The following MAPRE1 variants were observed in gnomAD, a reference collection of about 807,000 sequenced individuals.
The protein encoded by MAPRE1 is microtubule associated protein RP/EB family member 1, also known as microtubule-associated protein RP/EB family member 1.
MAPRE1 carries 5 observed loss-of-function variants against 32.1 expected under a neutral mutation model. That is an observed-to-expected ratio of 0.16 (90% CI 0.08 to 0.33). The LOEUF (loss-of-function observed/expected upper bound fraction) is 0.33. MAPRE1 is among the 10% of genes least tolerant of loss of function. MAPRE1 has a pLI of 1.00. For missense variants in MAPRE1, 209 were observed against 327.2 expected (o/e 0.64, Z 2.79); for synonymous variants, 122 against 118.9 (o/e 1.03, Z -0.17).
chr20:32,842,080 A>ATTTATT (rs1174534817), intron 5 of MAPRE1, among the ~76,000 whole-genome samples: 1 of 151,204 alleles, frequency 6.6e-6, no homozygotes, highest in African/African-American at 2.4e-5. Context: ...TTATTTATTT[A>ATTTATT]TTTATTTTTA....
intron 4 of MAPRE1, 66 bp downstream of exon 4, chr20:32,836,907 A>G: frequency 2.1e-6 from 3 of 1,431,930 alleles, no homozygotes; most frequent in South Asian, 1.3e-5. Context: ...GCGTTCAACT[A>G]GAATTTTTTT....
chr20:32,832,012 G>A (rs1983043533), intron 2 of MAPRE1, among the ~76,000 whole-genome samples: 1 of 150,674 alleles, frequency 6.6e-6, no homozygotes, highest in Admixed American at 6.6e-5. Context: ...AAATAAATCA[G>A]TCACCTCAGA....
intron 5 of MAPRE1, among the ~76,000 whole-genome samples, chr20:32,841,390 C>CT (rs1983356158): frequency 6.6e-6 from 1 of 151,142 alleles, no homozygotes; most frequent in Admixed American, 6.6e-5. Context: ...GTAGCAGCGA[C>CT]TTGATCTGTG....
intron 6 of MAPRE1, among the ~76,000 whole-genome samples, chr20:32,848,312 C>T (rs569483711): frequency 6.6e-6 from 1 of 152,182 alleles, no homozygotes; most frequent in South Asian, 2.1e-4. Context: ...GGATTACAGG[C>T]ATGAGCCATC....
rs1347784947 is a variant in MAPRE1, at chr20:32,850,056, A to G, written c.*1328A>G. ...GGATTCTGCAAAATGTGTCTCACCC[A>G]CTACTGAGATTGTTCAGCCCCTGAT... On this transcript the variant is annotated 3_prime_UTR_variant, in exon 7 of 7. Transcript: ENST00000375571. 1 of 152,626 alleles carries G rather than the reference A, an allele frequency of 6.6e-6. No individual in the cohort carries two copies. The highest frequency in any genetic ancestry group is 1.5e-5 in the Non-Finnish European group (1 of 68,034). 9.5% of individuals were successfully genotyped at this position (152,626 alleles called of 1,614,324 possible).
At chr20:32,845,019 GT>G (rs1376251867) in intron 5 of MAPRE1, among the ~76,000 whole-genome samples, 51 of 151,914 alleles carry the variant, frequency 3.4e-4, no homozygotes, top group Non-Finnish European at 6.5e-4. Context: ...ATGTATGTAT[GT>G]ATGTATGTAT....
At chr20:32,845,943 A>G (rs150801986) in intron 5 of MAPRE1, among the ~76,000 whole-genome samples, 5 of 152,284 alleles carry the variant, frequency 3.3e-5, no homozygotes, top group African/African-American at 1.2e-4. Context: ...CTGTAAATAC[A>G]GGTTTTTGCA....
chr20:32,848,241 A>G (rs940211538), intron 6 of MAPRE1, among the ~76,000 whole-genome samples: 1 of 150,702 alleles, frequency 6.6e-6, no homozygotes, highest in African/African-American at 2.4e-5. Context: ...ACATTGTCTC[A>G]CTGTGTTACC....
chr20:32,845,757 C>T lies in MAPRE1; in HGVS notation c.598-861C>T, dbSNP rs560220332. ...CTCAGCCTCTAGAGTAGCTGAGACG[C>T]GTGCGCCACTCCACCTGACATGCTT... is the stretch of plus-strand genomic sequence containing the variant. On this transcript the variant is annotated intron_variant, in intron 5 of 6. Transcript: ENST00000375571. 3.9e-4 allele frequency among the ~76,000 whole-genome samples: 60 copies of T among 152,252 alleles called. 1 individual carries two copies. Among genetic ancestry groups the T allele is most frequent in the African/African-American group, 1.4e-3 (59 of 41,556 alleles).
chr20:32,831,671 T>C (rs945978126), intron 2 of MAPRE1, among the ~76,000 whole-genome samples: 2 of 151,854 alleles, frequency 1.3e-5, no homozygotes, highest in Admixed American at 6.6e-5. Flanking sequence ...CAGCTGGGAC[T>C]ACAGGCATAC....
chr20:32,824,169 C>T (rs985420404), intron 1 of MAPRE1, among the ~76,000 whole-genome samples: 7 of 152,182 alleles, frequency 4.6e-5, no homozygotes, highest in African/African-American at 1.4e-4. Context: ...ATGTGAACTC[C>T]CTGTGGACAG....
At chr20:32,846,852 C>T (rs1308802370) in intron 6 of MAPRE1, 82 bp downstream of exon 6, 1 of 1,437,470 alleles carries the variant, frequency 7.0e-7, no homozygotes, top group Non-Finnish European at 9.7e-7. Flanking sequence ...TGTTGTATTC[C>T]AGTGTTGCAT....
At chr20:32,838,824 C>A (rs1465756533) in intron 4 of MAPRE1, among the ~76,000 whole-genome samples, 1 of 152,078 alleles carries the variant, frequency 6.6e-6, no homozygotes, top group African/African-American at 2.4e-5. Context: ...GGGTGACAGG[C>A]CTTGTGATTA....
intron 2 of MAPRE1, among the ~76,000 whole-genome samples, chr20:32,828,002 T>TA (rs1388745145): frequency 6.6e-6 from 1 of 152,020 alleles, no homozygotes; most frequent in Non-Finnish European, 1.5e-5. Flanking sequence ...GTCTCGGTCT[T>TA]AGTTTCATTG....
chr20:32,839,891 C>CG, intron 5 of MAPRE1, 35 bp downstream of exon 5: 6 of 1,612,378 alleles, frequency 3.7e-6, no homozygotes, highest in Non-Finnish European at 5.1e-6. Context: ...TGAGTCACCT[C>CG]GGGGGATAGG....
In MAPRE1 at chr20:32,823,172, A is replaced by T. The variant is rs142480095; in HGVS notation, c.-3-2753A>T. On this transcript the variant is annotated intron_variant, in intron 1 of 6. Transcript: ENST00000375571. ...CCTCTACAGACCTCAGTCACCCCAT[A>T]AAAAGGGGACTGGATGGGTGGATTT... is the stretch of plus-strand genomic sequence containing the variant. Among the ~76,000 whole-genome samples the T allele has an allele frequency of 2.8e-4, 43 of 152,362 alleles. No individual in the cohort carries two copies. The East Asian group carries it at 8.1e-3, about 29-fold the overall frequency.
chr20:32,835,897 C>T (rs556885213), intron 3 of MAPRE1, among the ~76,000 whole-genome samples: 12 of 152,098 alleles, frequency 7.9e-5, no homozygotes, highest in East Asian at 5.8e-4. Context: ...TGAGCCACCA[C>T]GCCCGGCCCA....
chr20:32,846,670 A>G lies in MAPRE1; in HGVS notation c.650A>G (p.Tyr217Cys). 1 of 1,614,148 alleles carries G rather than the reference A, an allele frequency of 6.2e-7. No individual in the cohort carries two copies. Among genetic ancestry groups the G allele is most frequent in the Non-Finnish European group, 8.5e-7 (1 of 1,179,976 alleles). Residue 217 changes from tyrosine (Y) to cysteine (C), a missense_variant, in exon 6 of 7, where the codon TAC becomes TGC. Tyr to Cys is a radical substitution (Grantham distance 194). Coordinates refer to ENST00000375571, the MANE Select transcript of MAPRE1 (RefSeq NM_012325.3). ...VEDLEKERDF[Y>C]FGKLRNIELI... ...GACTTGGAGAAAGAGAGGGATTTCTACTTCGGAAAGCTACGGAACATTGAA... is the reference window on the plus strand; with the variant it reads ...GACTTGGAGAAAGAGAGGGATTTCTGCTTCGGAAAGCTACGGAACATTGAA...
intron 2 of MAPRE1, among the ~76,000 whole-genome samples, chr20:32,832,185 A>G (rs1330012608): frequency 6.6e-6 from 1 of 152,298 alleles, no homozygotes; most frequent in South Asian, 2.1e-4. Context: ...AGTAAGTTGA[A>G]TATGCATTTT....
Sources: allele counts gnomAD v4.1 joint callset (sites outside exome capture counted in the v4.1 genomes callset), GRCh38; gene constraint gnomAD v4.1.1; transcripts MANE v1.5; gene names NCBI Gene and HGNC (gene_info 2026-07-23, HGNC 2026-07-21).